The following XPR1 variants were observed in gnomAD, a reference collection of about 807,000 sequenced individuals.
The protein encoded by XPR1 is solute carrier family 53 member 1.
XPR1 carries 28 observed loss-of-function variants against 87.5 expected under a neutral mutation model. The observed-to-expected ratio is 0.32, with a 90% CI of 0.24 to 0.44. XPR1 has a LOEUF of 0.44. XPR1 is among the 20% of genes least tolerant of loss of function. The pLI, the probability that XPR1 is intolerant of heterozygous loss-of-function variation, is 1.00. For missense variants in XPR1, 559 were observed against 862.3 expected, an observed-to-expected ratio of 0.65 and a Z score of 4.41; for synonymous variants, 300 against 306.1, an observed-to-expected ratio of 0.98 and a Z score of 0.21.
rs1652581975 is a variant in XPR1, at chr1:180,873,919, C to A, written c.1785C>A (p.Val595=). The A allele has an allele frequency of 6.2e-7, 1 of 1,613,570 alleles. No individual in the cohort carries two copies. Among genetic ancestry groups the A allele is most frequent in the South Asian group, 1.1e-5 (1 of 90,878 alleles). ...ATTCTGGGGACATCATTGCTACTGT[C>A]TTTGCCCCACTTGAGGTTTTCCGGT... The part of the protein sequence containing the change: ...LPHSGDIIAT[V]FAPLEVFRRF... Residue 595 remains valine (V), a synonymous_variant, in exon 13 of 15, where the codon GTC becomes GTA. Coordinates refer to ENST00000367590, the MANE Select transcript of XPR1 (RefSeq NM_004736.4).
intron 3 of XPR1, among the ~76,000 whole-genome samples, chr1:180,798,145 TA>T (rs1026979626): frequency 6.6e-6 from 1 of 151,916 alleles, no homozygotes; most frequent in Non-Finnish European, 1.5e-5. Flanking sequence ...AATACAAAAT[TA>T]TCAGGAAAAT....
chr1:180,758,114 T>C (rs1434800658), intron 2 of XPR1, among the ~76,000 whole-genome samples: 3 of 141,094 alleles, frequency 2.1e-5, no homozygotes, highest in Non-Finnish European at 4.6e-5. Context: ...TATAGAAGGA[T>C]ACACACACAC....
chr1:180,873,965 T>C (rs1038480737), intron 13 of XPR1, 23 bp downstream of exon 13: 1 of 1,600,460 alleles, frequency 6.2e-7, no homozygotes, highest in South Asian at 1.1e-5. Flanking sequence ...CTGAAAAGTT[T>C]ATTAAAGATT....
intron 13 of XPR1, among the ~76,000 whole-genome samples, chr1:180,879,713 C>A (rs1029287008): frequency 6.6e-6 from 1 of 152,180 alleles, no homozygotes; most frequent in Non-Finnish European, 1.5e-5. Context: ...TGATTGTTTA[C>A]TTGCTCATTG....
intron 2 of XPR1, among the ~76,000 whole-genome samples, chr1:180,683,133 A>G (rs1656640518): frequency 2.3e-5 from 3 of 129,474 alleles, no homozygotes; most frequent in Non-Finnish European, 5.0e-5. Context: ...ACCCCACAAC[A>G]GTCCCTGGTG....
chr1:180,641,010 C>G (rs944610255), intron 1 of XPR1, among the ~76,000 whole-genome samples: 2 of 152,174 alleles, frequency 1.3e-5, no homozygotes, highest in Non-Finnish European at 2.9e-5. Context: ...CACCCTGATT[C>G]ATTTTATTGC....
At chr1:180,702,469 T>C (rs1657377181) in intron 2 of XPR1, among the ~76,000 whole-genome samples, 2 of 152,058 alleles carry the variant, frequency 1.3e-5, no homozygotes, top group Admixed American at 6.6e-5. Context: ...GGTGCAGAGC[T>C]GAGTTCAATT....
At chr1:180,757,877 A>G (rs1286523303) in intron 2 of XPR1, among the ~76,000 whole-genome samples, 2 of 148,498 alleles carry the variant, frequency 1.3e-5, no homozygotes, top group Admixed American at 6.7e-5. Context: ...TGTAAAAAAA[A>G]AAAAAAAAAA....
chr1:180,744,506 G>T (rs1016172881), intron 2 of XPR1, among the ~76,000 whole-genome samples: 4 of 151,958 alleles, frequency 2.6e-5, no homozygotes, highest in Admixed American at 2.6e-4. Context: ...CTTCTGCCAT[G>T]TGTTGAGATT....
intron 2 of XPR1, among the ~76,000 whole-genome samples, chr1:180,772,526 A>G (rs751479915): frequency 4.6e-5 from 7 of 152,136 alleles, no homozygotes; most frequent in Non-Finnish European, 1.0e-4. Context: ...ATACACACTG[A>G]TAAGGTTTGG....
intron 1 of XPR1, among the ~76,000 whole-genome samples, chr1:180,661,655 A>C (rs1324420419): frequency 6.6e-6 from 1 of 152,136 alleles, no homozygotes; most frequent in African/African-American, 2.4e-5. Context: ...AGATCACCTG[A>C]GGTCAGGAGT....
At position 180,885,239 on chromosome 1, in the gene XPR1, T is replaced by G. The variant is rs931319012; in HGVS notation, c.*1173T>G. On this transcript the variant is annotated 3_prime_UTR_variant, in exon 15 of 15. Transcript: ENST00000367590. ...AAGTCTGTCATGGGGAAACTATATT[T>G]TTGAGCACATGGAACAAATTATACT... is the stretch of plus-strand genomic sequence containing the variant. The G allele has an allele frequency of 3.3e-5, 5 of 152,666 alleles. No individual in the cohort carries two copies. The highest frequency in any genetic ancestry group is 5.9e-5 in the Non-Finnish European group (4 of 68,046). 9.5% of individuals were successfully genotyped at this position (152,666 alleles called of 1,614,324 possible).
intron 11 of XPR1, among the ~76,000 whole-genome samples, chr1:180,844,992 GT>G (rs1651630687): frequency 6.6e-6 from 1 of 152,138 alleles, no homozygotes; most frequent in Non-Finnish European, 1.5e-5. Flanking sequence ...GGAGAGAAGA[GT>G]TTTAAAATGT....
At chr1:180,832,589 G>T (rs183752765) in intron 9 of XPR1, among the ~76,000 whole-genome samples, 1 of 152,310 alleles carries the variant, frequency 6.6e-6, no homozygotes, top group African/African-American at 2.4e-5. Flanking sequence ...AAGGGATCCA[G>T]TTTCAGCTTT....
chr1:180,851,620 A>G (rs965992513), intron 11 of XPR1, among the ~76,000 whole-genome samples: 3 of 152,196 alleles, frequency 2.0e-5, no homozygotes, highest in African/African-American at 7.2e-5. Flanking sequence ...GCAATAACCT[A>G]CTACAAGAAT....
intron 1 of XPR1, among the ~76,000 whole-genome samples, chr1:180,637,050 CAAAAA>C (rs34479247): frequency 1.2e-5 from 1 of 81,600 alleles, no homozygotes. Context: ...GACTTCATCT[CAAAAA>C]AAAAAAAAAA....
At chr1:180,680,132 C>T (rs1192848256) in intron 1 of XPR1, among the ~76,000 whole-genome samples, 1 of 152,032 alleles carries the variant, frequency 6.6e-6, no homozygotes, top group Non-Finnish European at 1.5e-5. Flanking sequence ...TGCTTAACAT[C>T]ACTCATCATC....
At chr1:180,770,209 A>G (rs948412887) in intron 2 of XPR1, among the ~76,000 whole-genome samples, 1 of 151,898 alleles carries the variant, frequency 6.6e-6, no homozygotes, top group Non-Finnish European at 1.5e-5. Context: ...GTTTAAAGAG[A>G]TGATGTTTTA....
intron 11 of XPR1, among the ~76,000 whole-genome samples, chr1:180,840,820 T>C (rs1651485400): frequency 6.6e-6 from 1 of 152,002 alleles, no homozygotes; most frequent in Admixed American, 6.6e-5. Context: ...TGTAAGCACC[T>C]CGTTCCTTCA....
Sources: allele counts gnomAD v4.1 joint callset (sites outside exome capture counted in the v4.1 genomes callset), GRCh38; gene constraint gnomAD v4.1.1; transcripts MANE v1.5; gene names NCBI Gene and HGNC (gene_info 2026-07-23, HGNC 2026-07-21).